ELAVL2: variants seen among roughly 807,000 people sequenced by gnomAD.
The protein encoded by ELAVL2 is ELAV-like protein 2.
Under a neutral mutation model 34.6 loss-of-function variants are expected in ELAVL2, and 4 were observed. The ratio of observed to expected loss-of-function variants is 0.12; its 90% confidence interval spans 0.06 to 0.26. The LOEUF (loss-of-function observed/expected upper bound fraction) is 0.26. Ranked by LOEUF, ELAVL2 falls within the 10% of genes least tolerant of loss-of-function variation. ELAVL2 has a pLI of 1.00. For missense variants in ELAVL2, 432 were observed against 442.8 expected (o/e 0.98, Z 0.22); for synonymous variants, 193 against 154.8 (o/e 1.25, Z -1.83).
At chr9:23,847,922 G>A in the ELAVL2 span, among the ~76,000 whole-genome samples, 1 of 151,900 alleles carries the variant, frequency 6.6e-6, no homozygotes, top group African/African-American at 2.4e-5. Flanking sequence ...AGTATTTTCA[G>A]TGTTTAGGTA....
intron 3 of ELAVL2, 88 bp downstream of exon 3, chr9:23,730,934 A>G: frequency 7.8e-7 from 1 of 1,288,982 alleles, no homozygotes; most frequent in Non-Finnish European, 1.1e-6. Flanking sequence ...ATATGGGCCC[A>G]AAAGGAAGAA....
chr9:23,779,964 G>A (rs1285055213), intron 1 of ELAVL2, among the ~76,000 whole-genome samples: 2 of 92,518 alleles, frequency 2.2e-5, no homozygotes, highest in African/African-American at 4.2e-5. Context: ...CCCCAGAATC[G>A]GTGATAGTGT....
intron 1 of ELAVL2, among the ~76,000 whole-genome samples, chr9:23,781,518 C>T (rs1340279143): frequency 1.5e-5 from 2 of 135,810 alleles, no homozygotes; most frequent in African/African-American, 5.4e-5. Flanking sequence ...TTTTTCTTTC[C>T]TTTTTTTTTT....
chr9:23,732,303 G>A (rs757808724), intron 2 of ELAVL2, among the ~76,000 whole-genome samples: 2 of 152,160 alleles, frequency 1.3e-5, no homozygotes, highest in Non-Finnish European at 2.9e-5. Context: ...CCACATAAAC[G>A]AAAAGAGAAG....
chr9:23,770,673 T>C (rs1212481390), intron 1 of ELAVL2, among the ~76,000 whole-genome samples: 1 of 152,148 alleles, frequency 6.6e-6, no homozygotes, highest in Non-Finnish European at 1.5e-5. Context: ...AAGGAAACAA[T>C]CTCTCATAAA....
chr9:23,801,365 T>C (rs1411558593), intron 1 of ELAVL2, among the ~76,000 whole-genome samples: 2 of 152,210 alleles, frequency 1.3e-5, no homozygotes, highest in East Asian at 3.9e-4. Flanking sequence ...AAACTAATAT[T>C]TCTTCTCTTG....
At chr9:23,730,990 C>T (rs533199523) in intron 3 of ELAVL2, 32 bp downstream of exon 3, 26 of 1,574,156 alleles carry the variant, frequency 1.7e-5, no homozygotes, top group South Asian at 1.3e-4. Flanking sequence ...ACTTCTGTTC[C>T]GCAAGTAGAT....
At chr9:23,825,433 T>C (rs1282342131) in intron 1 of ELAVL2, among the ~76,000 whole-genome samples, 1 of 152,144 alleles carries the variant, frequency 6.6e-6, no homozygotes, top group Admixed American at 6.5e-5. Context: ...CTCCCGTCCT[T>C]CCGTTGCTGA....
chr9:23,799,308 G>C (rs2061320911), intron 1 of ELAVL2, among the ~76,000 whole-genome samples: 1 of 152,162 alleles, frequency 6.6e-6, no homozygotes, highest in South Asian at 2.1e-4. Flanking sequence ...CAGATCTTTA[G>C]AGGAGAAAAG....
chr9:23,839,249 A>G, the ELAVL2 span, among the ~76,000 whole-genome samples: 1 of 152,058 alleles, frequency 6.6e-6, no homozygotes, highest in Non-Finnish European at 1.5e-5. Flanking sequence ...CCACAGACAT[A>G]TATTAATTTT....
chr9:23,769,416 G>A (rs2056910381), intron 1 of ELAVL2, among the ~76,000 whole-genome samples: 2 of 152,166 alleles, frequency 1.3e-5, no homozygotes, highest in Admixed American at 1.3e-4. Flanking sequence ...AAATCACTAA[G>A]TGGTATTTTC....
intron 1 of ELAVL2, among the ~76,000 whole-genome samples, chr9:23,781,111 C>T (rs951868525): frequency 3.9e-5 from 6 of 152,174 alleles, no homozygotes; most frequent in Admixed American, 2.6e-4. Context: ...TTTTCTCACT[C>T]TGCTAGCGAA....
chr9:23,701,305 A>G (rs1417199033), intron 5 of ELAVL2, 74 bp downstream of exon 5: 16 of 1,496,160 alleles, frequency 1.1e-5, no homozygotes, highest in African/African-American at 1.4e-5. Flanking sequence ...TCCTGTCAAT[A>G]AAAGTACTGG....
At chr9:23,823,816 T>C (rs754947828) in intron 1 of ELAVL2, among the ~76,000 whole-genome samples, 1 of 152,246 alleles carries the variant, frequency 6.6e-6, no homozygotes, top group African/African-American at 2.4e-5. Flanking sequence ...ATTTCTTTAG[T>C]TACTATTGTC....
At chr9:23,793,602 A>T (rs539230358) in intron 1 of ELAVL2, among the ~76,000 whole-genome samples, 15 of 152,172 alleles carry the variant, frequency 9.9e-5, no homozygotes, top group Non-Finnish European at 1.5e-4. Context: ...AAAGAACATC[A>T]TAACAAGCCT....
chr9:23,786,322 T>G (rs976789603), intron 1 of ELAVL2, among the ~76,000 whole-genome samples: 1 of 152,178 alleles, frequency 6.6e-6, no homozygotes, highest in Non-Finnish European at 1.5e-5. Context: ...TGAGATAAAC[T>G]ATATAGGCTC....
chr9:23,748,339 T>C (rs971786797), intron 2 of ELAVL2, among the ~76,000 whole-genome samples: 1 of 152,154 alleles, frequency 6.6e-6, no homozygotes. Context: ...CGAGAAGTAG[T>C]CTGGGGATGT....
chr9:23,697,880 C>T (rs1267575535), intron 5 of ELAVL2, among the ~76,000 whole-genome samples: 3 of 151,330 alleles, frequency 2.0e-5, no homozygotes, highest in Non-Finnish European at 4.4e-5. Flanking sequence ...ATCAAAATCT[C>T]TCCAAAGCGC....
At chr9:23,752,796 T>C (rs1371850425) in intron 2 of ELAVL2, among the ~76,000 whole-genome samples, 1 of 152,252 alleles carries the variant, frequency 6.6e-6, no homozygotes, top group South Asian at 2.1e-4. Context: ...TCTGTCTTGC[T>C]TTTTTCCCCC....
Sources: gnomAD v4.1 joint callset for allele counts (sites outside exome capture counted in the v4.1 genomes callset) on GRCh38, gnomAD v4.1.1 for gene constraint, MANE v1.5 for transcripts, NCBI Gene and HGNC (gene_info 2026-07-23, HGNC 2026-07-21) for gene names.